Variants in GALNT1 observed in about 807,000 individuals in gnomAD.
The protein encoded by GALNT1 is GalNAc transferase 1.
Under a neutral mutation model 65.7 loss-of-function variants are expected in GALNT1, and 17 were observed. The ratio of observed to expected loss-of-function variants is 0.26; its 90% CI spans 0.18 to 0.39. The LOEUF (loss-of-function observed/expected upper bound fraction) is 0.39, where lower values mean the gene tolerates loss of function less well. Ranked by LOEUF, GALNT1 falls within the 10% of genes least tolerant of loss-of-function variation. GALNT1 has a pLI of 1.00. For synonymous variants in GALNT1, 210 were observed against 219.7 expected (o/e 0.96, Z 0.39); for missense variants, 460 against 672.8 (o/e 0.68, Z 3.50).
chr18:35,608,766 C>T (rs1346382126), intron 1 of GALNT1, among the ~76,000 whole-genome samples: 1 of 152,156 alleles, frequency 6.6e-6, no homozygotes, highest in East Asian at 1.9e-4. Context: ...GATCAACATT[C>T]AAGGTATAAA....
intron 4 of GALNT1, among the ~76,000 whole-genome samples, chr18:35,682,902 CCT>C (rs761101917): frequency 1.8e-4 from 18 of 102,314 alleles, no homozygotes; most frequent in Admixed American, 1.4e-3. Flanking sequence ...CTTTCTGCCC[CCT>C]GATTAAAAAA....
intron 1 of GALNT1, among the ~76,000 whole-genome samples, chr18:35,623,205 C>G (rs1292480267): frequency 6.6e-6 from 1 of 152,064 alleles, no homozygotes; most frequent in Admixed American, 6.6e-5. Context: ...TCCCTTTTAC[C>G]TGAAGAACTT....
chr18:35,637,624 G>GT (rs2047108165), intron 1 of GALNT1, among the ~76,000 whole-genome samples: 1 of 152,230 alleles, frequency 6.6e-6, no homozygotes. Flanking sequence ...GTAAAAACAA[G>GT]TGTTGTTGTA....
intron 1 of GALNT1, among the ~76,000 whole-genome samples, chr18:35,583,523 A>G (rs1368558157): frequency 2.0e-5 from 3 of 152,120 alleles, no homozygotes; most frequent in African/African-American, 7.2e-5. Context: ...TTTTCCAGCC[A>G]TGTATCACTG....
intron 3 of GALNT1, among the ~76,000 whole-genome samples, chr18:35,674,382 G>T (rs1239451557): frequency 6.6e-6 from 1 of 152,118 alleles, no homozygotes; most frequent in African/African-American, 2.4e-5. Context: ...CTGTTGTTGT[G>T]GGGGTGCTAT....
intron 1 of GALNT1, among the ~76,000 whole-genome samples, chr18:35,631,663 C>T (rs2047012161): frequency 6.6e-6 from 1 of 152,118 alleles, no homozygotes. Context: ...GGGATGCCCT[C>T]TCTCACCACT....
intron 9 of GALNT1, among the ~76,000 whole-genome samples, chr18:35,698,917 G>A (rs763073437): frequency 2.6e-5 from 4 of 152,172 alleles, no homozygotes; most frequent in South Asian, 4.1e-4. Context: ...GGGAGGCAGA[G>A]GTTGCAGTGA....
At chr18:35,689,903 G>C (rs1265223951) in intron 7 of GALNT1, among the ~76,000 whole-genome samples, 1 of 152,142 alleles carries the variant, frequency 6.6e-6, no homozygotes. Context: ...AAATCACACT[G>C]ACGTGTACTG....
intron 1 of GALNT1, among the ~76,000 whole-genome samples, chr18:35,582,772 A>G (rs1046197548): frequency 2.0e-5 from 3 of 152,224 alleles, no homozygotes; most frequent in East Asian, 3.8e-4. Context: ...AGAAGTTGCA[A>G]CTTTTCAGGT....
intron 7 of GALNT1, among the ~76,000 whole-genome samples, chr18:35,689,581 A>T (rs775491917): frequency 6.6e-6 from 1 of 152,156 alleles, no homozygotes; most frequent in Non-Finnish European, 1.5e-5. Context: ...AAGCTAATAT[A>T]TAGTTTGGAT....
chr18:35,615,220 G>A (rs1266448277), intron 1 of GALNT1, among the ~76,000 whole-genome samples: 14 of 152,126 alleles, frequency 9.2e-5, no homozygotes, highest in Non-Finnish European at 8.8e-5. Context: ...TAATCATTGA[G>A]ATGGCATAAT....
chr18:35,682,090 CAG>C (rs1334528985), intron 4 of GALNT1, among the ~76,000 whole-genome samples: 1 of 152,146 alleles, frequency 6.6e-6, no homozygotes, highest in Non-Finnish European at 1.5e-5. Flanking sequence ...CCTTTTTACT[CAG>C]AATCAATTTA....
intron 1 of GALNT1, among the ~76,000 whole-genome samples, chr18:35,623,353 T>C (rs913776162): frequency 3.9e-5 from 6 of 152,204 alleles, no homozygotes; most frequent in African/African-American, 1.4e-4. Context: ...ATTTTGTCTT[T>C]CTTTATCTTT....
chr18:35,611,376 TC>T (rs889305747), intron 1 of GALNT1, among the ~76,000 whole-genome samples: 3 of 152,202 alleles, frequency 2.0e-5, no homozygotes, highest in African/African-American at 7.2e-5. Flanking sequence ...GCAGAGACTT[TC>T]CACCCTGTGC....
intron 1 of GALNT1, chr18:35,591,904 AG>A (rs1205328973): frequency 6.5e-6 from 1 of 154,390 alleles, no homozygotes; most frequent in Admixed American, 6.5e-5. Context: ...TTGATTTGTA[AG>A]GGGTGTCACC....
intron 1 of GALNT1, among the ~76,000 whole-genome samples, chr18:35,622,193 T>C (rs1375780107): frequency 6.6e-6 from 1 of 152,134 alleles, no homozygotes; most frequent in African/African-American, 2.4e-5. Context: ...ATAAAGATAG[T>C]ATTCCTTAAT....
At chr18:35,652,063 AAAT>A (rs111913669) in intron 1 of GALNT1, among the ~76,000 whole-genome samples, 2,078 of 152,256 alleles carry the variant, frequency 0.014, 43 homozygotes, top group African/African-American at 0.046. Context: ...AAAGTAAAAA[AAAT>A]CAAGTTCCTT....
rs565232713 is a variant in GALNT1, at chr18:35,650,332, G to A, written c.-103-4228G>A. Reference sequence around the variant, plus strand: ...GTCACAGAGTTCACATGCTTCACAAGGTATTAAAAAATATCACAAGGCAAA... The same window carrying A: ...GTCACAGAGTTCACATGCTTCACAAAGTATTAAAAAATATCACAAGGCAAA... On this transcript the variant is annotated intron_variant, in intron 1 of 11. Transcript: ENST00000269195. Among the ~76,000 whole-genome samples the A allele has an allele frequency of 1.5e-4, 23 of 152,246 alleles. 1 individual carries two copies. In the South Asian group the frequency reaches 4.6e-3, roughly 30 times the overall value.
Position 35,709,919 on chromosome 18 carries a change from T to C in GALNT1, c.*149T>C. Reference sequence around the variant, plus strand: ...TATCAGCCATTAAAACTTAGACTTCTCTAGCTTTTCACTAGCTGTGAACCA... The same window carrying C: ...TATCAGCCATTAAAACTTAGACTTCCCTAGCTTTTCACTAGCTGTGAACCA... On this transcript the variant is annotated 3_prime_UTR_variant, in exon 12 of 12. Coordinates refer to ENST00000269195, the MANE Select transcript of GALNT1 (RefSeq NM_020474.4). 1.1e-6 allele frequency: 1 copy of C among 887,456 alleles called. No individual in the cohort carries two copies. Among genetic ancestry groups the C allele is most frequent in the Non-Finnish European group, 1.7e-6 (1 of 599,122 alleles). The allele number at this position is 887,456 out of a possible 1,614,324, so 55.0% of individuals were successfully genotyped here. A position where few individuals can be genotyped will look rare whatever the true frequency, so the allele number is the denominator to read the frequency against.
Sources: gnomAD v4.1 joint callset for allele counts (sites outside exome capture counted in the v4.1 genomes callset) on GRCh38, gnomAD v4.1.1 for gene constraint, MANE v1.5 for transcripts, NCBI Gene and HGNC (gene_info 2026-07-23, HGNC 2026-07-21) for gene names.